The following SCN8A variants were observed in gnomAD, a reference collection of about 807,000 sequenced individuals.
SCN8A encodes the protein sodium channel protein type 8 subunit alpha.
A neutral mutation model predicts 184.1 loss-of-function variants in SCN8A; 30 were observed. The ratio of observed to expected loss-of-function variants is 0.16; its 90% CI spans 0.12 to 0.22. SCN8A has a LOEUF of 0.22. Among genes scored for constraint, SCN8A ranks in the 10% least tolerant of loss-of-function variants. The pLI is 1.00. For missense variants in SCN8A, 1,057 were observed against 2,498.9 expected, an observed-to-expected ratio of 0.42 and a Z score of 12.30; for synonymous variants, 852 against 907.0, an observed-to-expected ratio of 0.94 and a Z score of 1.09.
At chr12:51,681,024 T>C (rs57531721) in intron 2 of SCN8A, among the ~76,000 whole-genome samples, 1 of 151,844 alleles carries the variant, frequency 6.6e-6, no homozygotes, top group Admixed American at 6.6e-5. Context: ...ATAATAATAA[T>C]AAATAAAAAA....
Position 51,689,009 on chromosome 12 carries a change from G to A in SCN8A, c.619G>A (p.Val207Met). ...GTGTGACCTCCCTTACTACAGATAT[G>A]TGACAGAGTTTGTGGACCTGGGCAA... ...LDFSVIMMAY[V>M]TEFVDLGNVS... The change falls in exon 6 of 27, where the codon GTG becomes ATG. Residue 207 changes from valine (V) to methionine (M), a missense_variant. Physicochemically the swap from Val to Met is conservative, Grantham distance 21. Transcript: ENST00000627620. 6.2e-7 allele frequency: 1 copy of A among 1,613,678 alleles called. No individual in the cohort carries two copies. The highest frequency in any genetic ancestry group is 8.5e-7 in the Non-Finnish European group (1 of 1,179,688).
intron 26 of SCN8A, among the ~76,000 whole-genome samples, chr12:51,800,275 A>G (rs1015632555): frequency 2.0e-5 from 3 of 152,256 alleles, no homozygotes; most frequent in African/African-American, 7.2e-5. Flanking sequence ...ATGAAACCGC[A>G]TCTGGTACAG....
At chr12:51,693,230 T>G (rs960386944) in intron 6 of SCN8A, among the ~76,000 whole-genome samples, 1 of 152,224 alleles carries the variant, frequency 6.6e-6, no homozygotes, top group Admixed American at 6.5e-5. Flanking sequence ...CATTGTCTCT[T>G]TTAAACTATT....
chr12:51,599,168 G>A lies in SCN8A; in HGVS notation c.-55+7809G>A, dbSNP rs543140604. Among the ~76,000 whole-genome samples the A allele has an allele frequency of 3.3e-5, 5 of 152,252 alleles. No individual in the cohort carries two copies. The South Asian group carries it at 8.3e-4, about 25-fold the overall frequency. On this transcript the variant is annotated intron_variant, in intron 1 of 26. Transcript: ENST00000627620. ...CCACATCAGTCAACAAATATTTAGCGAGTAGCAACTATGGGATATATAAAA... is the reference window on the plus strand; with the variant it reads ...CCACATCAGTCAACAAATATTTAGCAAGTAGCAACTATGGGATATATAAAA...
chr12:51,771,571 C>G (rs1171949971), intron 19 of SCN8A, among the ~76,000 whole-genome samples: 1 of 152,066 alleles, frequency 6.6e-6, no homozygotes, highest in Admixed American at 6.6e-5. Context: ...TAAAGACAAG[C>G]CCAAGGGTGA....
intron 2 of SCN8A, among the ~76,000 whole-genome samples, chr12:51,664,014 A>G (rs1320220409): frequency 6.9e-6 from 1 of 145,842 alleles, no homozygotes; most frequent in Non-Finnish European, 1.5e-5. Context: ...GTTTCAAGCA[A>G]TTCTCCTGCC....
chr12:51,668,975 C>G (rs1301649467), intron 2 of SCN8A, among the ~76,000 whole-genome samples: 1 of 152,152 alleles, frequency 6.6e-6, no homozygotes, highest in Non-Finnish European at 1.5e-5. Context: ...CCTACTGCAC[C>G]CCTAGGCTAT....
intron 1 of SCN8A, among the ~76,000 whole-genome samples, chr12:51,647,746 C>T (rs987905567): frequency 2.0e-5 from 3 of 152,260 alleles, no homozygotes; most frequent in Middle Eastern, 3.4e-3. Flanking sequence ...AAATTGGCAG[C>T]GTAGCATCTC....
At position 51,786,619 on chromosome 12, in the gene SCN8A, T is replaced by A. The variant is rs1231301545; in HGVS notation, c.4020T>A (p.Ile1340=). Residue 1340 remains isoleucine, a synonymous_variant, in exon 22 of 27, where the codon ATT becomes ATA. Transcript: ENST00000627620. ...TGGTGTGTCTCATCTTCTGGCTGATTTTCAGCATCATGGGAGTTAACTTGT... is the reference window on the plus strand; with the variant it reads ...TGGTGTGTCTCATCTTCTGGCTGATATTCAGCATCATGGGAGTTAACTTGT... ...VLLVCLIFWL[I]FSIMGVNLFA... 2.5e-6 allele frequency: 4 copies of A among 1,614,196 alleles called. No individual in the cohort carries two copies. The South Asian group carries it at 4.4e-5, about 18-fold the overall frequency.
At chr12:51,635,469 TTGAA>T (rs10585550) in intron 1 of SCN8A, among the ~76,000 whole-genome samples, 130,217 of 151,550 alleles carry the variant, frequency 0.86, 56,188 homozygotes, top group East Asian at 0.99. Flanking sequence ...TAAATAATTC[TTGAA>T]TGAATGAATG....
At chr12:51,610,028 G>A (rs1263727633) in intron 1 of SCN8A, among the ~76,000 whole-genome samples, 1 of 151,250 alleles carries the variant, frequency 6.6e-6, no homozygotes, top group African/African-American at 2.4e-5. Flanking sequence ...AAATAAGCCG[G>A]GCATGGTGGC....
Position 51,806,682 on chromosome 12 carries a change from T to G in SCN8A, c.5196T>G (p.Phe1732Leu). The G allele has an allele frequency of 6.2e-7, 1 of 1,614,118 alleles. No individual in the cohort carries two copies. The highest frequency in any genetic ancestry group is 8.5e-7 in the Non-Finnish European group (1 of 1,179,994). ...SLDKEHPGSGFKGDCGNPSVG... is the reference protein window; with the variant it reads ...SLDKEHPGSGLKGDCGNPSVG... ...ATAAGGAACACCCAGGGAGTGGCTT[T>G]AAGGGAGATTGTGGGAACCCCTCAG... Residue 1732 changes from phenylalanine (F) to leucine (L), a missense_variant, in exon 27 of 27, where the codon TTT (phenylalanine) becomes TTG (leucine). Phe to Leu is a conservative substitution (Grantham distance 22). This residue lies in a region of SCN8A where 21 missense variants were observed against 42.3 expected (regional missense o/e 0.50). Coordinates refer to ENST00000627620, the MANE Select transcript of SCN8A (RefSeq NM_001330260.2). This position sits in a 1 kb window ranked among gnomAD's most constrained non-coding sequence, Gnocchi z 8.7.
chr12:51,714,130 A>G (rs550394619), intron 11 of SCN8A, among the ~76,000 whole-genome samples: 6 of 152,190 alleles, frequency 3.9e-5, no homozygotes, highest in Non-Finnish European at 8.8e-5. Flanking sequence ...TTTCATACAG[A>G]TATGTAGTGG....
chr12:51,633,129 T>A (rs759998664), intron 1 of SCN8A, among the ~76,000 whole-genome samples: 3 of 152,192 alleles, frequency 2.0e-5, no homozygotes, highest in Admixed American at 6.5e-5. Flanking sequence ...TTTTCCAAGC[T>A]GTGGAAGAGG....
At chr12:51,692,033 C>G (rs1941518239) in intron 6 of SCN8A, among the ~76,000 whole-genome samples, 1 of 152,154 alleles carries the variant, frequency 6.6e-6, no homozygotes, top group South Asian at 2.1e-4. Flanking sequence ...AGAGCTGGCC[C>G]ATGATTCCCC....
chr12:51,615,993 A>G (rs936024162), intron 1 of SCN8A, among the ~76,000 whole-genome samples: 3 of 152,150 alleles, frequency 2.0e-5, no homozygotes, highest in African/African-American at 7.2e-5. Context: ...TGGCCTCCCA[A>G]AATGGTGAGA....
chr12:51,635,773 A>C (rs1393372799), intron 1 of SCN8A, among the ~76,000 whole-genome samples: 1 of 152,210 alleles, frequency 6.6e-6, no homozygotes, highest in Non-Finnish European at 1.5e-5. Flanking sequence ...TTCCTCCTTC[A>C]TTTTATATGA....
rs535773811 is a variant in SCN8A at position 51,698,588 on chromosome 12, G to T, written c.707-982G>T. ...CATGAACCTACAACCATATTTTTCT[G>T]TCTCTTCTGTCACTGATCTCTCCAT... On this transcript the variant is annotated intron_variant, in intron 6 of 26. Transcript: ENST00000627620. 6.6e-5 allele frequency among the ~76,000 whole-genome samples: 10 copies of T among 152,150 alleles called. No homozygotes were observed. In the South Asian group the frequency reaches 1.0e-3, roughly 16 times the overall value.
At chr12:51,739,546 T>G (rs550185444) in intron 12 of SCN8A, among the ~76,000 whole-genome samples, 2 of 152,302 alleles carry the variant, frequency 1.3e-5, no homozygotes, top group South Asian at 4.1e-4. Context: ...CTCTTGTTCC[T>G]CCTCATTATC....
Sources: allele counts gnomAD v4.1 joint callset (sites outside exome capture counted in the v4.1 genomes callset), GRCh38; gene constraint gnomAD v4.1.1; regional missense constraint gnomAD v4.1.1; non-coding constraint Gnocchi (gnomAD v3.1); transcripts MANE v1.5; gene names NCBI Gene and HGNC (gene_info 2026-07-23, HGNC 2026-07-21).